USH2A: variants seen among roughly 807,000 people sequenced by gnomAD.
The protein encoded by USH2A is Usher syndrome 2A (autosomal recessive, mild).
In USH2A, 443 loss-of-function variants were observed where a neutral mutation model predicts 538.9. The observed-to-expected ratio is 0.82, with a 90% CI of 0.76 to 0.89. USH2A has a LOEUF of 0.89. USH2A is among the 40% of genes least tolerant of loss of function. The pLI is 0.00. For missense variants in USH2A, 6,633 were observed against 6,324.8 expected (o/e 1.05, Z -1.65); for synonymous variants, 2,413 against 2,273.5 (o/e 1.06, Z -1.75).
At chr1:216,174,679 C>A (rs1169608135) in intron 21 of USH2A, 2 of 986,572 alleles carry the variant, frequency 2.0e-6, no homozygotes, top group Non-Finnish European at 1.2e-6. Context: ...GAGAAGTTAT[C>A]TTTTCCCTGG....
chr1:216,195,585 C>T (rs531995489), intron 19 of USH2A, among the ~76,000 whole-genome samples: 1 of 151,828 alleles, frequency 6.6e-6, no homozygotes, highest in Non-Finnish European at 1.5e-5. Context: ...TAAAATGTAC[C>T]TGGACAATAT....
intron 63 of USH2A, among the ~76,000 whole-genome samples, chr1:215,673,011 G>A (rs540550036): frequency 7.9e-4 from 121 of 152,298 alleles, no homozygotes; most frequent in Non-Finnish European, 1.2e-3. Flanking sequence ...GGTACAGTCA[G>A]GTAAAGAGGA....
chr1:215,649,065 G>A (rs1426806200), intron 65 of USH2A, among the ~76,000 whole-genome samples: 1 of 152,180 alleles, frequency 6.6e-6, no homozygotes, highest in Non-Finnish European at 1.5e-5. Context: ...ATTAGAAAAT[G>A]GCACGGAACA....
intron 3 of USH2A, among the ~76,000 whole-genome samples, chr1:216,379,308 T>C (rs557010735): frequency 2.0e-5 from 3 of 152,336 alleles, no homozygotes; most frequent in African/African-American, 7.2e-5. Flanking sequence ...CCTTTGCCAA[T>C]CTAATTTCAT....
In USH2A at chr1:215,940,111, G is replaced by T. The variant is rs189110121; in HGVS notation, c.7121-5316C>A. On this transcript the variant is annotated intron_variant, in intron 37 of 71. Coordinates refer to ENST00000307340, the MANE Select transcript of USH2A (RefSeq NM_206933.4). ...CAAACTGATTCTTGTTACCTCGTGA[G>T]GATTTTATATGTCAGGCCTGGTCCT... 2.0e-5 allele frequency among the ~76,000 whole-genome samples: 3 copies of T among 152,230 alleles called. No individual in the cohort carries two copies. In the East Asian group the frequency reaches 5.8e-4, roughly 29 times the overall value.
rs775892043 is a variant in USH2A at position 215,728,339 on chromosome 1, T to A, written c.11757A>T (p.Ser3919=). Reference sequence around the variant, plus strand: ...CATCCATAAATTCAAGGGCTCCTTCTGACCAGACAAATAAAACAGACTCCT... The same window carrying A: ...CATCCATAAATTCAAGGGCTCCTTCAGACCAGACAAATAAAACAGACTCCT... ...IEEESVLFVW[S]EGALEFMDEG... The change falls in exon 61 of 72, where the codon TCA becomes TCT. Residue 3919 remains serine, a synonymous_variant. Transcript: ENST00000307340. 1 of 1,614,214 alleles carries A rather than the reference T, an allele frequency of 6.2e-7. No homozygotes were observed. Among genetic ancestry groups the A allele is most frequent in the Admixed American group, 1.7e-5 (1 of 60,016 alleles).
intron 58 of USH2A, among the ~76,000 whole-genome samples, chr1:215,753,808 T>C (rs962827008): frequency 1.3e-5 from 2 of 151,962 alleles, no homozygotes; most frequent in Non-Finnish European, 2.9e-5. Flanking sequence ...ACTTAAAGTA[T>C]AATAAAAGAA....
chr1:216,118,372 G>T (rs1387612276), intron 21 of USH2A, among the ~76,000 whole-genome samples: 1 of 152,036 alleles, frequency 6.6e-6, no homozygotes, highest in East Asian at 1.9e-4. Context: ...TTGAATACCT[G>T]CAAAGTCCAA....
Position 215,650,604 on chromosome 1 carries a change from C to G in USH2A, c.14331G>C (p.Gly4777=), listed in dbSNP as rs1558037835. ...CTCTGCTGCTCACCACTGTCTCAGC[C>G]CCATGGGCGCTGCTGGAGAACAGCC... ...LYRLFSSSAH[G]AETVLSEGMA... The change falls in exon 65 of 72, where the codon GGG becomes GGC. Residue 4777 remains glycine, a synonymous_variant. Transcript: ENST00000307340. 9.3e-6 allele frequency: 15 copies of G among 1,614,112 alleles called. No homozygotes were observed. The highest frequency in any genetic ancestry group is 1.3e-5 in the Non-Finnish European group (15 of 1,180,024).
rs748810737 is a variant in USH2A at position 215,844,293 on chromosome 1, C to A, written c.9258+1G>T. ...TAACCATCAAAAAACAATGTTCTAA[C>A]CTGAATGTCATAGATAGTGAAGGGA... On this transcript the variant is annotated splice_donor_variant, in intron 46 of 71. Coordinates refer to ENST00000307340, the MANE Select transcript of USH2A (RefSeq NM_206933.4). LOFTEE classifies it high-confidence loss of function. 6.2e-7 allele frequency: 1 copy of A among 1,613,376 alleles called. No homozygotes were observed. The highest frequency in any genetic ancestry group is 2.2e-5 in the East Asian group (1 of 44,846).
rs575939496 is a variant in USH2A at position 215,900,142 on chromosome 1, C to T, written c.7527G>A (p.Arg2509=). 6.2e-7 allele frequency: 1 copy of T among 1,613,700 alleles called. No homozygotes were observed. Among genetic ancestry groups the T allele is most frequent in the South Asian group, 1.1e-5 (1 of 91,090 alleles). ...TGCCAAATCCATTGGAGGCAACCAA[C>T]CGAAACATATACTCTGTGTACGGTT... is the stretch of plus-strand genomic sequence containing the variant. The part of the protein sequence containing the change: ...DLQPYTEYMF[R]LVASNGFGSA... The change falls in exon 40 of 72, where the codon CGG becomes CGA. Residue 2509 remains arginine, a synonymous_variant. Transcript: ENST00000307340.
chr1:216,190,121 G>C, intron 20 of USH2A, 102 bp downstream of exon 20: 1 of 1,496,794 alleles, frequency 6.7e-7, no homozygotes, highest in Non-Finnish European at 9.1e-7. Context: ...AGTGAGGGAG[G>C]AGAAGACAAA....
intron 61 of USH2A, among the ~76,000 whole-genome samples, chr1:215,684,274 G>A (rs1401198720): frequency 6.6e-6 from 1 of 152,154 alleles, no homozygotes; most frequent in African/African-American, 2.4e-5. Context: ...ACTACTTGGA[G>A]TCTTCAGCAG....
intron 14 of USH2A, among the ~76,000 whole-genome samples, chr1:216,227,367 G>A (rs2035582999): frequency 6.6e-6 from 1 of 152,204 alleles, no homozygotes; most frequent in South Asian, 2.1e-4. Flanking sequence ...ATGTTAGTAA[G>A]TGAATGAAGA....
intron 43 of USH2A, among the ~76,000 whole-genome samples, chr1:215,870,814 G>T (rs1442610682): frequency 6.6e-6 from 1 of 151,926 alleles, no homozygotes; most frequent in African/African-American, 2.4e-5. Context: ...ATGGACTTAC[G>T]TGTTGATTGT....
chr1:216,115,907 A>AT (rs2032997204), intron 21 of USH2A, among the ~76,000 whole-genome samples: 1 of 151,760 alleles, frequency 6.6e-6, no homozygotes, highest in South Asian at 2.1e-4. Flanking sequence ...TTCAGCATGC[A>AT]TTTTTGTTTT....
chr1:216,253,065 C>T (rs1192936558), intron 11 of USH2A, among the ~76,000 whole-genome samples: 1 of 151,764 alleles, frequency 6.6e-6, no homozygotes, highest in East Asian at 1.9e-4. Context: ...GTAAACAATA[C>T]TTTTTCAAAG....
In USH2A at chr1:216,086,787, A is replaced by G. The variant is rs2102563226; in HGVS notation, c.4919T>C (p.Ile1640Thr). 1.2e-6 allele frequency: 2 copies of G among 1,613,074 alleles called. No individual in the cohort carries two copies. The highest frequency in any genetic ancestry group is 1.7e-6 in the Non-Finnish European group (2 of 1,179,330). ...CAGAAAGACTCCTGTGTTATCTCCA[A>G]TAACAGTACTACCATTCAGGATGGC... ...SSAILNGSTV[I>T]GDNTGVFLGG... Residue 1640 changes from isoleucine (I) to threonine (T), a missense_variant, in exon 24 of 72, where the codon ATT (isoleucine) becomes ACT (threonine). By Grantham distance (89) the Ile-to-Thr change is moderately conservative. Transcript: ENST00000307340.
At chr1:215,699,615 C>G (rs1658939467) in intron 61 of USH2A, among the ~76,000 whole-genome samples, 1 of 152,048 alleles carries the variant, frequency 6.6e-6, no homozygotes, top group South Asian at 2.1e-4. Flanking sequence ...ATTTGGCTCT[C>G]TTTCTATTAT....
Sources: gnomAD v4.1 joint callset for allele counts (sites outside exome capture counted in the v4.1 genomes callset) on GRCh38, gnomAD v4.1.1 for gene constraint, MANE v1.5 for transcripts, NCBI Gene and HGNC (gene_info 2026-07-23, HGNC 2026-07-21) for gene names.